Variants in RNASET2 observed in about 807,000 individuals in gnomAD.
The protein encoded by RNASET2 is ribonuclease T2, also known as ribonuclease 6.
RNASET2 carries 28 observed loss-of-function variants against 33.9 expected under a neutral mutation model. The ratio of observed to expected loss-of-function variants is 0.83; its 90% CI spans 0.61 to 1.13. The LOEUF (loss-of-function observed/expected upper bound fraction) is 1.13. Among genes scored for constraint, RNASET2 ranks in the 50% most tolerant of loss-of-function variants. RNASET2 has a pLI of 0.00. For synonymous variants in RNASET2, 123 were observed against 121.0 expected (o/e 1.02, Z -0.11); for missense variants, 330 against 319.9 (o/e 1.03, Z -0.24).
intron 1 of RNASET2, among the ~76,000 whole-genome samples, chr6:166,955,261 A>ACG (rs1364313926): frequency 8.7e-6 from 1 of 115,018 alleles, no homozygotes; most frequent in Non-Finnish European, 1.7e-5. Flanking sequence ...ACACACGCAC[A>ACG]CACACACACG....
rs1211284477 is a variant in RNASET2 at position 166,931,106 on chromosome 6, T to C, written c.505A>G (p.Lys169Glu). The C allele has an allele frequency of 6.2e-7, 1 of 1,607,076 alleles. No homozygotes were observed. Among genetic ancestry groups the C allele is most frequent in the South Asian group, 1.1e-5 (1 of 90,964 alleles). The change falls in exon 8 of 9, where the codon AAA (lysine) becomes GAA (glutamate). Residue 169 changes from lysine to glutamate, a missense_variant. Transcript: ENST00000508775. ...SINYYQVADF[K>E]DALARVYGVI... ...CCATATACTCTGGCAAGGGCATCTT[T>C]AAAATCTGCAACCTGATTTTAAATA...
Position 166,925,967 on chromosome 6 carries a change from A to T in RNASET2, c.*3621T>A, listed in dbSNP as rs373451891. Among the ~76,000 whole-genome samples the T allele has an allele frequency of 1.6e-4, 25 of 152,210 alleles. No homozygotes were observed. The highest frequency in any genetic ancestry group is 5.8e-4 in the African/African-American group (24 of 41,454). ...TACTGGGGAGGTGTGATCTGGGAGC[A>T]GAGAGCCATGGTTGGTTACGGAGAG... On this transcript the variant is annotated 3_prime_UTR_variant, in exon 9 of 9. Coordinates refer to ENST00000508775, the MANE Select transcript of RNASET2 (RefSeq NM_003730.6).
intron 1 of RNASET2, chr6:166,955,832 C>T (rs901947873): frequency 1.0e-5 from 9 of 889,280 alleles, no homozygotes; most frequent in Non-Finnish European, 1.2e-5. Flanking sequence ...CAGGACTCCC[C>T]TCATCGCACT....
rs536874452 is a variant in RNASET2, at chr6:166,927,400, C to T, written c.*2188G>A. 3.9e-5 allele frequency among the ~76,000 whole-genome samples: 6 copies of T among 152,226 alleles called. No homozygotes were observed. The highest frequency in any genetic ancestry group is 3.9e-4 in the East Asian group (2 of 5,178). On this transcript the variant is annotated 3_prime_UTR_variant, in exon 9 of 9. Transcript: ENST00000508775. ...CCAGTGCCTTCTTCCATTTAGCTGA[C>T]GTGACAATGGCAGGAAACCAGCACT...
intron 6 of RNASET2, among the ~76,000 whole-genome samples, chr6:166,937,284 G>C (rs1778591813): frequency 6.6e-6 from 1 of 152,090 alleles, no homozygotes; most frequent in African/African-American, 2.4e-5. Flanking sequence ...TTACAGGCAT[G>C]CACCACCACA....
chr6:166,943,066 T>G lies in RNASET2; in HGVS notation c.285A>C (p.Ala95=). 1.2e-6 allele frequency: 2 copies of G among 1,613,468 alleles called. No homozygotes were observed. The highest frequency in any genetic ancestry group is 1.7e-6 in the Non-Finnish European group (2 of 1,179,640). ...ACGAGTGAATTACGTCAGGCCAGTA[T>G]GCCCTCATTTCTGGCAAAAGATCCT... ...EIKDLLPEMR[A]YWPDVIHSFP... Residue 95 remains alanine (A), a synonymous_variant, in exon 5 of 9, where the codon GCA becomes GCC. Coordinates refer to ENST00000508775, the MANE Select transcript of RNASET2 (RefSeq NM_003730.6).
intron 4 of RNASET2, 117 bp downstream of exon 4, chr6:166,946,565 C>G: frequency 1.4e-6 from 1 of 715,692 alleles, no homozygotes; most frequent in Non-Finnish European, 2.5e-6. Context: ...GGGCTCAATC[C>G]TGGTGAATAC....
chr6:166,926,010 C>T lies in RNASET2; in HGVS notation c.*3578G>A, dbSNP rs1778299228. ...ACGGAGAGTGGCACAAACACGGTGC[C>T]AGCGTCCAGCACTGACAGTCAGGTG... On this transcript the variant is annotated 3_prime_UTR_variant, in exon 9 of 9. Transcript: ENST00000508775. 6.6e-6 allele frequency among the ~76,000 whole-genome samples: 1 copy of T among 152,174 alleles called. No individual in the cohort carries two copies. The highest frequency in any genetic ancestry group is 1.5e-5 in the Non-Finnish European group (1 of 68,030).
At chr6:166,943,256 A>T in intron 4 of RNASET2, 167 bp from the exon 5 acceptor site, 1 of 578,594 alleles carries the variant, frequency 1.7e-6, no homozygotes. Context: ...GTTTGTTAAG[A>T]TATATCTACA....
Position 166,928,941 on chromosome 6 carries a change from T to G in RNASET2, c.*647A>C, listed in dbSNP as rs771481115. ...AAGTGAGGCCTGACAGAAACTGACC[T>G]TCCAGTAACCTGGAAGAGACTGCTC... On this transcript the variant is annotated 3_prime_UTR_variant, in exon 9 of 9. Transcript: ENST00000508775. Among the ~76,000 whole-genome samples, 4 of 152,230 alleles carry G rather than the reference T, an allele frequency of 2.6e-5. No individual in the cohort carries two copies. The highest frequency in any genetic ancestry group is 5.9e-5 in the Non-Finnish European group (4 of 68,030).
intron 2 of RNASET2, among the ~76,000 whole-genome samples, chr6:166,950,463 T>G (rs942580995): frequency 3.3e-5 from 5 of 152,232 alleles, no homozygotes; most frequent in Non-Finnish European, 7.3e-5. Context: ...CATTTTCGTT[T>G]GTCATCAGAA....
intron 2 of RNASET2, among the ~76,000 whole-genome samples, chr6:166,949,199 CAAAAAAAAAAAAAA>C (rs1169530046): frequency 5.7e-5 from 3 of 52,330 alleles, no homozygotes; most frequent in Non-Finnish European, 1.0e-4. Flanking sequence ...ACCGTGTCTC[CAAAAAAAAAAAAAA>C]AAAAAAAAGG....
At chr6:166,955,409 GCGCA>G (rs1779138648) in intron 1 of RNASET2, 8 of 668,460 alleles carry the variant, frequency 1.2e-5, no homozygotes, top group East Asian at 1.7e-4. Flanking sequence ...ACACACACAC[GCGCA>G]CACACACACA....
rs1583211599 is a variant in RNASET2, at chr6:166,929,362, T to C, written c.*226A>G. On this transcript the variant is annotated 3_prime_UTR_variant, in exon 9 of 9. Coordinates refer to ENST00000508775, the MANE Select transcript of RNASET2 (RefSeq NM_003730.6). ...TTAATAGAGAAAAAAAAAAACAATC[T>C]GTGAGCTTTATCCCAAGCACAAAAC... The C allele has an allele frequency of 3.4e-6, 2 of 591,590 alleles. No individual in the cohort carries two copies. Among genetic ancestry groups the C allele is most frequent in the Non-Finnish European group, 6.0e-6 (2 of 334,382 alleles). 36.6% of individuals were successfully genotyped at this position (591,590 alleles called of 1,614,324 possible).
chr6:166,956,534 G>T lies in RNASET2; in HGVS notation c.-352C>A. On this transcript the variant is annotated 5_prime_UTR_variant, in exon 1 of 9. Coordinates refer to ENST00000508775, the MANE Select transcript of RNASET2 (RefSeq NM_003730.6). The stretch of plus-strand genomic sequence containing the variant: ...GCAGCCGCCGTCCGCCCACGACCAC[G>T]GTCAGTCGCGTTGCTCCCAGCCCAG... 1 of 341,722 alleles carries T rather than the reference G, an allele frequency of 2.9e-6. No homozygotes were observed. Among genetic ancestry groups the T allele is most frequent in the South Asian group, 2.8e-5 (1 of 36,100 alleles). The allele number at this position is 341,722 out of a possible 1,614,324, so 21.2% of individuals were successfully genotyped here. A position where few individuals can be genotyped will look rare whatever the true frequency, so the allele number is the denominator to read the frequency against.
Position 166,955,623 on chromosome 6 carries a change from G to C in RNASET2, c.86+474C>G, listed in dbSNP as rs561285003. On this transcript the variant is annotated intron_variant, in intron 1 of 8. Transcript: ENST00000508775. ...TGCTTTGTCGCGTCCTAGGCTGGGA[G>C]CAGTCTGTGGGATGAGTTTCCAGTC... The C allele has an allele frequency of 1.4e-5, 14 of 994,676 alleles. No homozygotes were observed. In the East Asian group the frequency reaches 1.1e-3, roughly 79 times the overall value. The allele number at this position is 994,676 out of a possible 1,614,324, so 61.6% of individuals were successfully genotyped here.
chr6:166,927,511 G>A lies in RNASET2; in HGVS notation c.*2077C>T, dbSNP rs912205587. On this transcript the variant is annotated 3_prime_UTR_variant, in exon 9 of 9. Transcript: ENST00000508775. ...GCTCACACTCATATAATAAATACAC[G>A]CTACTTAAAAAAAAGAATGGCTTCT... Among the ~76,000 whole-genome samples the A allele has an allele frequency of 1.3e-5, 2 of 149,892 alleles. No individual in the cohort carries two copies. Among genetic ancestry groups the A allele is most frequent in the Non-Finnish European group, 2.9e-5 (2 of 67,856 alleles).
In RNASET2 at chr6:166,941,742, T is replaced by C. The variant is rs546382784; in HGVS notation, c.332+1277A>G. 2.0e-5 allele frequency among the ~76,000 whole-genome samples: 3 copies of C among 152,356 alleles called. 1 individual carries two copies. The South Asian group carries it at 6.2e-4, about 32-fold the overall frequency. On this transcript the variant is annotated intron_variant, in intron 5 of 8. Transcript: ENST00000508775. ...TTCCTGAAAATTATACACAAAAATATTTCTAGGTTAATCTTCCCACCTAAA... is the reference window on the plus strand; with the variant it reads ...TTCCTGAAAATTATACACAAAAATACTTCTAGGTTAATCTTCCCACCTAAA...
intron 6 of RNASET2, chr6:166,934,659 G>A (rs1219731451): frequency 1.1e-5 from 2 of 183,028 alleles, no homozygotes; most frequent in East Asian, 1.4e-4. Context: ...TTACCATTGT[G>A]TTACATACAG....
Sources: gnomAD v4.1 joint callset for allele counts (sites outside exome capture counted in the v4.1 genomes callset) on GRCh38, gnomAD v4.1.1 for gene constraint, MANE v1.5 for transcripts, NCBI Gene and HGNC (gene_info 2026-07-23, HGNC 2026-07-21) for gene names.